ING1: variants seen among roughly 807,000 people sequenced by gnomAD.
The protein encoded by ING1 is inhibitor of growth protein 1.
A neutral mutation model predicts 23.1 loss-of-function variants in ING1; 4 were observed. That is an observed-to-expected ratio of 0.17 (90% CI 0.09 to 0.40). ING1 has a LOEUF of 0.40. Among genes scored for constraint, ING1 ranks in the 10% least tolerant of loss-of-function variants. The probability of loss-of-function intolerance (pLI) is 1.00; values close to 1 mark genes in which losing one functional copy is unlikely to be tolerated. For synonymous variants in ING1, 179 were observed against 166.4 expected (o/e 1.08, Z -0.58); for missense variants, 256 against 393.8 (o/e 0.65, Z 2.96).
chr13:110,714,248 T>C lies in ING1; in HGVS notation c.99T>C (p.Asn33=). The C allele has an allele frequency of 6.3e-7, 1 of 1,575,334 alleles. No individual in the cohort carries two copies. The highest frequency in any genetic ancestry group is 1.1e-5 in the South Asian group (1 of 87,206). ...CCCTGCCTTTCGACTTGCAGAGAAATGTCTCGCTGATGCGGGAGATCGACG... is the reference window on the plus strand; with the variant it reads ...CCCTGCCTTTCGACTTGCAGAGAAACGTCTCGCTGATGCGGGAGATCGACG... ...IESLPFDLQR[N]VSLMREIDAK... Residue 33 remains asparagine, a synonymous_variant, in exon 1 of 2, where the codon AAT becomes AAC. Transcript: ENST00000333219.
chr13:110,713,073 C>A, upstream of ING1: 1 of 1,447,364 alleles, frequency 6.9e-7, no homozygotes, highest in South Asian at 1.4e-5. Flanking sequence ...CCGGCCCTCC[C>A]CTTCCTTCCG....
rs2064171803 is a variant in ING1 at position 110,721,512 on chromosome 13, T to TC, written c.*1581dup. 6.6e-6 allele frequency: 1 copy of TC among 151,994 alleles called. No homozygotes were observed. The highest frequency in any genetic ancestry group is 2.1e-4 in the South Asian group (1 of 4,824). 9.4% of individuals were successfully genotyped at this position (151,994 alleles called of 1,614,324 possible). ...CCCGACCTCAGGTGATCCACCTGCC[T>TC]CAGCCTTCCAAAGTGCTGGGATTAC... On this transcript the variant is annotated 3_prime_UTR_variant, in exon 2 of 2. Transcript: ENST00000333219.
At chr13:110,713,276 G>A (rs1017015797), upstream of ING1, 3 of 1,303,384 alleles carry the variant, frequency 2.3e-6, no homozygotes, top group African/African-American at 4.5e-5. Context: ...AGGGGCTGAG[G>A]AGCGAGTTGC....
intron 1 of ING1, among the ~76,000 whole-genome samples, chr13:110,717,683 C>T (rs966570686): frequency 6.6e-6 from 1 of 152,128 alleles, no homozygotes; most frequent in African/African-American, 2.4e-5. Context: ...CAGAATTAGC[C>T]GGGCGTGGTA....
Position 110,719,401 on chromosome 13 carries a change from G to T in ING1, c.309G>T (p.Thr103=), listed in dbSNP as rs1379861731. Residue 103 remains threonine (T), a synonymous_variant, in exon 2 of 2, where the codon ACG becomes ACT. Coordinates refer to ENST00000333219, the MANE Select transcript of ING1 (RefSeq NM_198219.3). This position sits in a 1 kb window ranked among gnomAD's most constrained non-coding sequence, Gnocchi z 8.9. ...SQMVELVENR[T]RQVDSHVELF... ...TGGTGGAGCTGGTGGAGAACCGCAC[G>T]CGGCAGGTGGACAGCCACGTGGAGC... 6 of 1,610,988 alleles carry T rather than the reference G, an allele frequency of 3.7e-6. No homozygotes were observed. Among genetic ancestry groups the T allele is most frequent in the Middle Eastern group, 1.6e-4 (1 of 6,072 alleles).
rs145017996 is a variant in ING1 at position 110,715,681 on chromosome 13, C to A, written c.136+1396C>A. On this transcript the variant is annotated intron_variant, in intron 1 of 1. Transcript: ENST00000333219. Reference sequence around the variant, plus strand: ...CTGGGGCGGGCCGTGCTCTTCCGCCCTGCGGTGTGGTTGGTTCTCCTCCTG... The same window carrying A: ...CTGGGGCGGGCCGTGCTCTTCCGCCATGCGGTGTGGTTGGTTCTCCTCCTG... 3 of 1,604,722 alleles carry A rather than the reference C, an allele frequency of 1.9e-6. No homozygotes were observed. The South Asian group carries it at 3.3e-5, about 18-fold the overall frequency.
rs144350649 is a variant in ING1, at chr13:110,719,518, T to G, written c.426T>G (p.Ala142=). ...CCAAAGGCGAGGCGGCAGCGCAGGC[T>G]GACAAGCCCAACAGCAAGCGCTCAC... ...DRPKGEAAAQ[A]DKPNSKRSRR... The change falls in exon 2 of 2, where the codon GCT becomes GCG. Residue 142 remains alanine, a synonymous_variant. Coordinates refer to ENST00000333219, the MANE Select transcript of ING1 (RefSeq NM_198219.3). The surrounding 1 kb of genome is among the most constrained non-coding windows in gnomAD (Gnocchi z 8.9). The G allele has an allele frequency of 6.2e-7, 1 of 1,611,128 alleles. No individual in the cohort carries two copies. The highest frequency in any genetic ancestry group is 8.5e-7 in the Non-Finnish European group (1 of 1,178,922).
chr13:110,713,735 C>T lies in ING1; in HGVS notation c.-415C>T. The T allele has an allele frequency of 2.0e-6, 2 of 985,220 alleles. No individual in the cohort carries two copies. Among genetic ancestry groups the T allele is most frequent in the Non-Finnish European group, 2.4e-6 (2 of 829,890 alleles). The allele number at this position is 985,220 out of a possible 1,614,324, so 61.0% of individuals were successfully genotyped here. ...CGTTGGACAAGTGCGGCTCGGCGGC[C>T]AGCGGAGCGCGCCCCTTCCCGCTGC... On this transcript the variant is annotated 5_prime_UTR_variant, in exon 1 of 2. Coordinates refer to ENST00000333219, the MANE Select transcript of ING1 (RefSeq NM_198219.3).
rs142623633 is a variant in ING1, at chr13:110,719,599, C to T, written c.507C>T (p.Asp169=). The part of the protein sequence containing the change: ...RENASSNHDH[D]DGASGTPKEK... ...ACGCGTCCAGCAACCACGACCACGA[C>T]GACGGCGCCTCGGGCACACCCAAGG... The change falls in exon 2 of 2, where the codon GAC becomes GAT. Residue 169 remains aspartate, a synonymous_variant. Transcript: ENST00000333219. The surrounding 1 kb of genome is among the most constrained non-coding windows in gnomAD (Gnocchi z 8.9). The T allele has an allele frequency of 1.2e-6, 2 of 1,611,654 alleles. No individual in the cohort carries two copies. Among genetic ancestry groups the T allele is most frequent in the Non-Finnish European group, 1.7e-6 (2 of 1,179,446 alleles).
In ING1 at chr13:110,722,005, T is replaced by G. The variant is rs766016512; in HGVS notation, c.*2073T>G. ...CTTTCTAGAATCTAAGTATATGGCA[T>G]GTATTTATTATAAGTAAAACATTAA... On this transcript the variant is annotated 3_prime_UTR_variant, in exon 2 of 2. Transcript: ENST00000333219. 9 of 152,254 alleles carry G rather than the reference T, an allele frequency of 5.9e-5. No homozygotes were observed. Among genetic ancestry groups the G allele is most frequent in the Non-Finnish European group, 1.2e-4 (8 of 68,036 alleles). 9.4% of individuals were successfully genotyped at this position (152,254 alleles called of 1,614,324 possible). A position where few individuals can be genotyped will look rare whatever the true frequency, so the allele number is the denominator to read the frequency against.
At position 110,722,667 on chromosome 13, in the gene ING1, C is replaced by T. The variant is rs994517957; in HGVS notation, c.*2735C>T. 1 of 152,186 alleles carries T rather than the reference C, an allele frequency of 6.6e-6. No individual in the cohort carries two copies. Among genetic ancestry groups the T allele is most frequent in the African/African-American group, 2.4e-5 (1 of 41,438 alleles). 9.4% of individuals were successfully genotyped at this position (152,186 alleles called of 1,614,324 possible). A position where few individuals can be genotyped will look rare whatever the true frequency, so the allele number is the denominator to read the frequency against. ...AGGGTGGTTCCAATAAATAAATGCA[C>T]TGGCATATTCAAATGTTGGATAATT... On this transcript the variant is annotated 3_prime_UTR_variant, in exon 2 of 2. Transcript: ENST00000333219.
At position 110,713,841 on chromosome 13, in the gene ING1, G is replaced by T. The variant is rs2064071565; in HGVS notation, c.-309G>T. On this transcript the variant is annotated 5_prime_UTR_variant, in exon 1 of 2. Transcript: ENST00000333219. ...CGGCGCTGGGCCCTCTCCCGCCGGT[G>T]TGTGCGCGCTCGTACGCGCGGCCCC... is the stretch of plus-strand genomic sequence containing the variant. 1.0e-6 allele frequency: 1 copy of T among 983,024 alleles called. No homozygotes were observed. The highest frequency in any genetic ancestry group is 1.2e-6 in the Non-Finnish European group (1 of 829,018). 60.9% of individuals were successfully genotyped at this position (983,024 alleles called of 1,614,324 possible). A position where few individuals can be genotyped will look rare whatever the true frequency, so the allele number is the denominator to read the frequency against.
rs894292708 is a variant in ING1, at chr13:110,714,063, C to A, written c.-87C>A. ...GGGCGCCGGGAGAGCGAGGGCTTTG[C>A]ATTTTGCAGTGCTATTTTTTGAGGG... On this transcript the variant is annotated 5_prime_UTR_variant, in exon 1 of 2. Transcript: ENST00000333219. 6 of 1,336,186 alleles carry A rather than the reference C, an allele frequency of 4.5e-6. No homozygotes were observed. Among genetic ancestry groups the A allele is most frequent in the Non-Finnish European group, 5.8e-6 (6 of 1,026,344 alleles). The allele number at this position is 1,336,186 out of a possible 1,614,324, so 82.8% of individuals were successfully genotyped here.
At chr13:110,712,775 T>G, upstream of ING1, 2 of 713,794 alleles carry the variant, frequency 2.8e-6, no homozygotes, top group East Asian at 2.7e-5. Flanking sequence ...CGGGAAGAGA[T>G]AAGGCCTAGG....
intron 1 of ING1, chr13:110,715,245 G>A: frequency 7.3e-7 from 1 of 1,361,500 alleles, no homozygotes. Context: ...ATGTTTACAA[G>A]GCTGCGCAGT....
At chr13:110,713,140 C>T (rs1475914414), upstream of ING1, 2 of 1,430,022 alleles carry the variant, frequency 1.4e-6, no homozygotes, top group East Asian at 2.5e-5. Context: ...TACTCACGGT[C>T]TCCCCGCCTC....
chr13:110,714,176 G>C lies in ING1; in HGVS notation c.27G>C (p.Gln9His), dbSNP rs148784619. Reference sequence around the variant, plus strand: ...TGTTGAGTCCTGCCAACGGGGAGCAGCTCCACCTGGTGAACTATGTGGAGG... The same window carrying C: ...TGTTGAGTCCTGCCAACGGGGAGCACCTCCACCTGGTGAACTATGTGGAGG... MLSPANGE[Q>H]LHLVNYVEDY... Residue 9 changes from glutamine to histidine, a missense_variant, in exon 1 of 2, where the codon CAG (glutamine) becomes CAC (histidine). Physicochemically the swap from Gln to His is conservative, Grantham distance 24. Transcript: ENST00000333219. 182 of 1,557,274 alleles carry C rather than the reference G, an allele frequency of 1.2e-4. 1 individual carries two copies. In the African/African-American group the frequency reaches 2.2e-3, roughly 19 times the overall value.
chr13:110,712,820 G>T (rs780232801), upstream of ING1: 1 of 862,286 alleles, frequency 1.2e-6, no homozygotes, highest in Middle Eastern at 2.1e-4. Context: ...CCTCTTCTGG[G>T]GCTCGGCACT....
rs368230046 is a variant in ING1, at chr13:110,719,955, G to A, written c.*23G>A. On this transcript the variant is annotated 3_prime_UTR_variant, in exon 2 of 2. Coordinates refer to ENST00000333219, the MANE Select transcript of ING1 (RefSeq NM_198219.3). The surrounding 1 kb of genome is among the most constrained non-coding windows in gnomAD (Gnocchi z 8.9). The stretch of plus-strand genomic sequence containing the variant: ...TAGTTTGTGGACAGGCGCCTGGTGT[G>A]AGGAGGACAAAATAAACCGTGTATT... The A allele has an allele frequency of 6.3e-5, 97 of 1,532,284 alleles. No individual in the cohort carries two copies. The African/African-American group carries it at 9.1e-4, about 14-fold the overall frequency. 94.9% of individuals were successfully genotyped at this position (1,532,284 alleles called of 1,614,324 possible). A position where few individuals can be genotyped will look rare whatever the true frequency, so the allele number is the denominator to read the frequency against.
Sources: gnomAD v4.1 joint callset for allele counts (sites outside exome capture counted in the v4.1 genomes callset) on GRCh38, gnomAD v4.1.1 for gene constraint, Gnocchi (gnomAD v3.1) non-coding constraint, MANE v1.5 for transcripts, NCBI Gene and HGNC (gene_info 2026-07-23, HGNC 2026-07-21) for gene names.